The following UBE2L3 variants were observed in gnomAD, a reference collection of about 807,000 sequenced individuals.
The protein encoded by UBE2L3 is ubiquitin conjugating enzyme E2 L3.
A neutral mutation model predicts 17.8 loss-of-function variants in UBE2L3; 1 was observed. That is an observed-to-expected ratio of 0.06 (90% CI 0.02 to 0.27). The LOEUF is 0.27. Among genes scored for constraint, UBE2L3 ranks in the 10% least tolerant of loss-of-function variants. UBE2L3 has a pLI of 1.00. For missense variants in UBE2L3, 40 were observed against 192.6 expected (o/e 0.21, Z 4.69); for synonymous variants, 44 against 68.5 (o/e 0.64, Z 1.76).
upstream of UBE2L3, among the ~76,000 whole-genome samples, chr22:21,565,783 A>AAAAG (rs1568967882): frequency 2.7e-5 from 4 of 148,438 alleles, no homozygotes; most frequent in East Asian, 2.0e-4. Context: ...AAAAAAAAAA[A>AAAAG]AGAGAAAAAC....
At position 21,582,353 on chromosome 22, in the gene UBE2L3, G is replaced by T. The variant is rs561702530; in HGVS notation, c.28-10508G>T. 7.8e-3 allele frequency among the ~76,000 whole-genome samples: 1,166 copies of T among 148,884 alleles called. 20 individuals are homozygous for T. The highest frequency in any genetic ancestry group is 0.027 in the African/African-American group (1,100 of 40,524). ...GTATGAATGTGGTGGGTTTTTTTTT[G>T]TTGTTGTTTTTTTTTTTTGCGATGG... On this transcript the variant is annotated intron_variant, in intron 1 of 3. Coordinates refer to ENST00000342192, the MANE Select transcript of UBE2L3 (RefSeq NM_003347.4).
At chr22:21,584,893 G>A (rs1927852998) in intron 1 of UBE2L3, among the ~76,000 whole-genome samples, 1 of 152,148 alleles carries the variant, frequency 6.6e-6, no homozygotes, top group African/African-American at 2.4e-5. Context: ...CCTGGGAGGC[G>A]GAGGTTGGAG....
At chr22:21,611,196 T>C (rs910062565) in intron 3 of UBE2L3, among the ~76,000 whole-genome samples, 153 bp downstream of exon 3, 7 of 152,198 alleles carry the variant, frequency 4.6e-5, no homozygotes, top group Non-Finnish European at 7.3e-5. Flanking sequence ...TGGGAATGGC[T>C]CATCTCAGCT....
intron 1 of UBE2L3, among the ~76,000 whole-genome samples, chr22:21,587,582 CA>C (rs887751113): frequency 6.6e-6 from 1 of 152,140 alleles, no homozygotes; most frequent in Non-Finnish European, 1.5e-5. Context: ...TTGTAGACCC[CA>C]AAAAGAAGCA....
At chr22:21,593,017 T>G in intron 2 of UBE2L3, 61 bp downstream of exon 2, 1 of 1,494,986 alleles carries the variant, frequency 6.7e-7, no homozygotes, top group Non-Finnish European at 9.3e-7. Context: ...TGTGTGCTGT[T>G]GGGCTTGTTT....
chr22:21,557,390 C>T (rs376333626), intron 1 of UBE2L3, among the ~76,000 whole-genome samples: 14 of 152,212 alleles, frequency 9.2e-5, no homozygotes, highest in Non-Finnish European at 1.3e-4. Context: ...AACGAAAAAC[C>T]CAACCCCCCA....
chr22:21,564,411 G>A (rs535155446), upstream of UBE2L3, among the ~76,000 whole-genome samples: 50 of 152,224 alleles, frequency 3.3e-4, no homozygotes, highest in African/African-American at 9.6e-4. Context: ...GGAGGGGATC[G>A]GGTATGACTA....
Position 21,621,783 on chromosome 22 carries a change from C to T in UBE2L3, c.*114C>T. On this transcript the variant is annotated 3_prime_UTR_variant, in exon 4 of 4. Transcript: ENST00000342192. ...GACACGTGCCACCGCCTGGCGTTCG[C>T]TTGTGGCAGTTACTAACTTTCTACA... is the stretch of plus-strand genomic sequence containing the variant. 1 of 751,510 alleles carries T rather than the reference C, an allele frequency of 1.3e-6. No individual in the cohort carries two copies. Among genetic ancestry groups the T allele is most frequent in the Non-Finnish European group, 2.1e-6 (1 of 470,230 alleles). 46.6% of individuals were successfully genotyped at this position (751,510 alleles called of 1,614,324 possible).
Position 21,623,097 on chromosome 22 carries a change from T to A in UBE2L3, c.*1428T>A, listed in dbSNP as rs1479159357. 1 of 152,344 alleles carries A rather than the reference T, an allele frequency of 6.6e-6. No homozygotes were observed. Among genetic ancestry groups the A allele is most frequent in the Non-Finnish European group, 1.5e-5 (1 of 68,032 alleles). 9.4% of individuals were successfully genotyped at this position (152,344 alleles called of 1,614,324 possible). ...CGCTTCTGCCACTGGCGGCTTCCCT[T>A]CTTGGCTCTTGGGGGGGACTAGATC... On this transcript the variant is annotated 3_prime_UTR_variant, in exon 4 of 4. Coordinates refer to ENST00000342192, the MANE Select transcript of UBE2L3 (RefSeq NM_003347.4).
upstream of UBE2L3, among the ~76,000 whole-genome samples, chr22:21,567,187 G>A (rs1926668799): frequency 1.3e-5 from 2 of 151,906 alleles, no homozygotes; most frequent in Non-Finnish European, 2.9e-5. Flanking sequence ...CCCCCAAGAC[G>A]GAGTCTTCCT....
At chr22:21,596,888 A>G (rs933981436) in intron 2 of UBE2L3, among the ~76,000 whole-genome samples, 3 of 151,956 alleles carry the variant, frequency 2.0e-5, no homozygotes, top group Non-Finnish European at 4.4e-5. Context: ...CAGCCATTCT[A>G]GTTGGTATGT....
intron 1 of UBE2L3, among the ~76,000 whole-genome samples, chr22:21,573,362 C>T (rs1041479979): frequency 1.3e-5 from 2 of 152,154 alleles, no homozygotes; most frequent in African/African-American, 4.8e-5. Context: ...CACACACACT[C>T]TGGATCTCGT....
chr22:21,562,785 G>A (rs1328874608), upstream of UBE2L3, among the ~76,000 whole-genome samples: 5 of 150,514 alleles, frequency 3.3e-5, no homozygotes, highest in South Asian at 2.1e-4. Context: ...GATTACAGGC[G>A]TGAGCCACCG....
At chr22:21,567,920 G>C in intron 1 of UBE2L3, 149 bp downstream of exon 1, 13 of 1,487,288 alleles carry the variant, frequency 8.7e-6, no homozygotes, top group Non-Finnish European at 1.1e-5. Context: ...GCAGGCTCAA[G>C]GTGCTAACGG....
intron 2 of UBE2L3, among the ~76,000 whole-genome samples, chr22:21,602,820 C>G (rs1209440291): frequency 6.6e-6 from 1 of 152,214 alleles, no homozygotes; most frequent in Non-Finnish European, 1.5e-5. Flanking sequence ...TTCCCCTCGT[C>G]CCCGCATCCC....
intron 1 of UBE2L3, among the ~76,000 whole-genome samples, chr22:21,560,467 T>C (rs1926394079): frequency 8.2e-6 from 1 of 121,874 alleles, no homozygotes; most frequent in Non-Finnish European, 1.6e-5. Context: ...TTTTTTTTTT[T>C]TGAGATGGAG....
At chr22:21,568,385 C>T (rs1926763250) in intron 1 of UBE2L3, 1 of 985,340 alleles carries the variant, frequency 1.0e-6, no homozygotes, top group African/African-American at 1.7e-5. Flanking sequence ...CGGGTAAGTT[C>T]CAACTCCAGG....
intron 3 of UBE2L3, among the ~76,000 whole-genome samples, chr22:21,617,841 G>A (rs1390646549): frequency 6.6e-6 from 1 of 152,128 alleles, no homozygotes; most frequent in Non-Finnish European, 1.5e-5. Context: ...CAGGGGAACA[G>A]CGAAAGAATG....
upstream of UBE2L3, among the ~76,000 whole-genome samples, chr22:21,563,336 G>C (rs578211813): frequency 6.6e-6 from 1 of 150,638 alleles, no homozygotes; most frequent in East Asian, 2.0e-4. Flanking sequence ...CAGATCACGA[G>C]CTCAGGAGAT....
Sources: allele counts gnomAD v4.1 joint callset (sites outside exome capture counted in the v4.1 genomes callset), GRCh38; gene constraint gnomAD v4.1.1; transcripts MANE v1.5; gene names NCBI Gene and HGNC (gene_info 2026-07-23, HGNC 2026-07-21).